Variants in PKHD1L1 observed in about 807,000 individuals in gnomAD.
The protein encoded by PKHD1L1 is PKHD1 like 1.
A neutral mutation model predicts 462.9 loss-of-function variants in PKHD1L1; 434 were observed. The observed-to-expected ratio is 0.94, with a 90% CI of 0.87 to 1.02. The LOEUF is 1.02. Among genes scored for constraint, PKHD1L1 ranks in the 50% least tolerant of loss-of-function variants. PKHD1L1 has a pLI of 0.00. For missense variants in PKHD1L1, 5,202 were observed against 5,096.1 expected (o/e 1.02, Z -0.63); for synonymous variants, 1,781 against 1,750.0 (o/e 1.02, Z -0.44).
intron 14 of PKHD1L1, among the ~76,000 whole-genome samples, chr8:109,403,316 C>T (rs903511586): frequency 6.6e-6 from 1 of 152,132 alleles, no homozygotes; most frequent in African/African-American, 2.4e-5. Context: ...CATAGCTTCA[C>T]CTAGTGCATA....
At chr8:109,408,400 T>G (rs576324121) in intron 18 of PKHD1L1, among the ~76,000 whole-genome samples, 194 bp downstream of exon 18, 1 of 152,310 alleles carries the variant, frequency 6.6e-6, no homozygotes, top group African/African-American at 2.4e-5. Flanking sequence ...GTCAACCTAG[T>G]GCAGCCACCT....
At position 109,461,851 on chromosome 8, in the gene PKHD1L1, G is replaced by A. The variant is rs1314290060; in HGVS notation, c.7326G>A (p.Met2442Ile). 2 of 1,606,402 alleles carry A rather than the reference G, an allele frequency of 1.2e-6. No homozygotes were observed. The highest frequency in any genetic ancestry group is 1.7e-6 in the Non-Finnish European group (2 of 1,176,184). Reference protein sequence around the residue: ...IGSDQFGGCVMFHAPVPGANM... With the variant: ...IGSDQFGGCVIFHAPVPGANM... ...GTGACCAATTTGGAGGCTGCGTTAT[G>A]TTTCATGCTCCTGTACCTGGTGCTA... Residue 2442 changes from methionine (M) to isoleucine (I), a missense_variant, in exon 48 of 78, where the codon ATG (methionine) becomes ATA (isoleucine). Coordinates refer to ENST00000378402, the MANE Select transcript of PKHD1L1 (RefSeq NM_177531.6).
In PKHD1L1 at chr8:109,452,220, T is replaced by C; in HGVS notation, c.6447T>C (p.His2149=). The C allele has an allele frequency of 1.2e-6, 2 of 1,612,748 alleles. No homozygotes were observed. The highest frequency in any genetic ancestry group is 1.7e-6 in the Non-Finnish European group (2 of 1,179,274). The change falls in exon 42 of 78, where the codon CAT becomes CAC. Residue 2149 remains histidine (H), a synonymous_variant. Transcript: ENST00000378402. The stretch of plus-strand genomic sequence containing the variant: ...ACATCATCTGCATGACAGATGCCCA[T>C]ACTCTATCAGGGTGGGCTCCAGTTT... ...KTHIICMTDA[H]TLSGWAPVCV...
intron 36 of PKHD1L1, 129 bp from the exon 37 acceptor site, chr8:109,443,547 T>C (rs1815934088): frequency 2.7e-6 from 2 of 743,990 alleles, no homozygotes; most frequent in South Asian, 3.8e-5. Context: ...CCATTTGTCA[T>C]TTTGTTTTTC....
At position 109,518,178 on chromosome 8, in the gene PKHD1L1, C is replaced by T. The variant is rs760724263; in HGVS notation, c.11701C>T (p.Pro3901Ser). Reference sequence around the variant, plus strand: ...TTTTTCCTTCATAGACCAATTCCTTCCTAACCTGGATTCCACTGTCCTTGG... The same window carrying T: ...TTTTTCCTTCATAGACCAATTCCTTTCTAACCTGGATTCCACTGTCCTTGG... ...NNHLYKDQFL[P>S]NLDSTVLGEN... is the part of the protein sequence containing the mutation. Residue 3901 changes from proline (P) to serine (S), a missense_variant, in exon 73 of 78, where the codon CCT becomes TCT. By Grantham distance (74) the Pro-to-Ser change is moderately conservative. This residue lies in a region of PKHD1L1 where 698 missense variants were observed against 736.3 expected (regional missense o/e 0.95). Transcript: ENST00000378402. 1 of 1,584,176 alleles carries T rather than the reference C, an allele frequency of 6.3e-7. No homozygotes were observed. The highest frequency in any genetic ancestry group is 1.7e-5 in the Admixed American group (1 of 58,864).
At chr8:109,461,696 C>A in intron 47 of PKHD1L1, 76 bp from the exon 48 acceptor site, 1 of 1,447,336 alleles carries the variant, frequency 6.9e-7, no homozygotes, top group Non-Finnish European at 9.4e-7. Flanking sequence ...AAATGATACA[C>A]TTAGTTATGA....
intron 21 of PKHD1L1, 110 bp from the exon 22 acceptor site, chr8:109,418,987 C>T (rs1038110404): frequency 1.7e-5 from 16 of 950,194 alleles, no homozygotes; most frequent in African/African-American, 1.7e-4. Flanking sequence ...CCCTGATGGT[C>T]GTCTTGTGGG....
In PKHD1L1 at chr8:109,445,352, T is replaced by C; in HGVS notation, c.5483T>C (p.Val1828Ala). Residue 1828 changes from valine (V) to alanine (A), a missense_variant, in exon 38 of 78, where the codon GTC becomes GCC. Transcript: ENST00000378402. Reference protein sequence around the residue: ...SKGLALGNLTVSSPPVASLSP... With the variant: ...SKGLALGNLTASSPPVASLSP... Reference sequence around the variant, plus strand: ...GGCTTGGCTCTGGGAAACCTGACTGTCAGCAGCCCCCCAGTAGCATCTCTA... The same window carrying C: ...GGCTTGGCTCTGGGAAACCTGACTGCCAGCAGCCCCCCAGTAGCATCTCTA... 6.2e-7 allele frequency: 1 copy of C among 1,613,958 alleles called. No individual in the cohort carries two copies. Among genetic ancestry groups the C allele is most frequent in the African/African-American group, 1.3e-5 (1 of 75,038 alleles).
At chr8:109,441,694 G>C (rs1023867832) in intron 34 of PKHD1L1, among the ~76,000 whole-genome samples, 2 of 151,920 alleles carry the variant, frequency 1.3e-5, no homozygotes, top group Admixed American at 6.6e-5. Flanking sequence ...AATTAAAATT[G>C]ATCATAGCTT....
chr8:109,464,769 C>T lies in PKHD1L1; in HGVS notation c.7937C>T (p.Ala2646Val). 2.5e-6 allele frequency: 4 copies of T among 1,613,806 alleles called. No individual in the cohort carries two copies. Among genetic ancestry groups the T allele is most frequent in the Non-Finnish European group, 3.4e-6 (4 of 1,179,788 alleles). The change falls in exon 49 of 78, where the codon GCA becomes GTA. Residue 2646 changes from alanine (A) to valine (V), a missense_variant. By Grantham distance (64) the Ala-to-Val change is moderately conservative. Around this residue, in one of 3 missense-constraint regions of PKHD1L1, gnomAD observed 4,497 missense variants for 4,336.8 expected, o/e 1.04. Transcript: ENST00000378402. ...GSCTSTVPAP[A>V]IFNSLTTWNC... ...TGTACATCTACAGTGCCTGCACCTG[C>T]AATATTTAACTCACTTACTACTTGG...
At chr8:109,420,719 A>G (rs1814419227) in intron 23 of PKHD1L1, 29 bp downstream of exon 23, 2 of 1,451,036 alleles carry the variant, frequency 1.4e-6, no homozygotes, top group Non-Finnish European at 9.2e-7. Flanking sequence ...ATTAATTTTT[A>G]TGTAGTGAAT....
intron 1 of PKHD1L1, among the ~76,000 whole-genome samples, chr8:109,364,005 T>C (rs985883179): frequency 6.6e-6 from 1 of 152,218 alleles, no homozygotes; most frequent in Admixed American, 6.5e-5. Context: ...TATTAAGAAC[T>C]CACTATCATC....
At chr8:109,452,406 A>C in intron 42 of PKHD1L1, 126 bp downstream of exon 42, 1 of 901,066 alleles carries the variant, frequency 1.1e-6, no homozygotes, top group Non-Finnish European at 1.5e-6. Context: ...GACCATAATA[A>C]ATCTAAAGTA....
intron 68 of PKHD1L1, among the ~76,000 whole-genome samples, chr8:109,504,724 G>A (rs1276940690): frequency 6.6e-6 from 1 of 152,088 alleles, no homozygotes; most frequent in Non-Finnish European, 1.5e-5. Context: ...TTTTTTGTGT[G>A]TGAATCATCA....
intron 51 of PKHD1L1, among the ~76,000 whole-genome samples, chr8:109,475,527 A>T (rs1335495623): frequency 6.6e-6 from 1 of 152,134 alleles, no homozygotes; most frequent in African/African-American, 2.4e-5. Flanking sequence ...TATTACCATG[A>T]TAATAACTTA....
chr8:109,415,834 T>C (rs1321024747), intron 21 of PKHD1L1, among the ~76,000 whole-genome samples: 63 of 133,294 alleles, frequency 4.7e-4, no homozygotes, highest in African/African-American at 1.6e-3. Context: ...GGTGACAGAA[T>C]GAGACCTTGT....
intron 4 of PKHD1L1, among the ~76,000 whole-genome samples, chr8:109,383,524 AGTTTT>A (rs1364944740): frequency 7.0e-6 from 1 of 142,538 alleles, no homozygotes; most frequent in Admixed American, 7.7e-5. Flanking sequence ...TATATATATT[AGTTTT>A]AAGTTGTCAA....
rs570104708 is a variant in PKHD1L1 at position 109,441,578 on chromosome 8, T to A, written c.4204+199T>A. Among the ~76,000 whole-genome samples, 4 of 152,302 alleles carry A rather than the reference T, an allele frequency of 2.6e-5. No homozygotes were observed. The South Asian group carries it at 8.3e-4, about 32-fold the overall frequency. On this transcript the variant is annotated intron_variant, in intron 34 of 77. Transcript: ENST00000378402. ...TAGACTTGAGTCTAGAAGGCCATACTTTGCAATTTCCAACTTCAGGAATTA... is the reference window on the plus strand; with the variant it reads ...TAGACTTGAGTCTAGAAGGCCATACATTGCAATTTCCAACTTCAGGAATTA...
rs868683464 is a variant in PKHD1L1, at chr8:109,491,802, C to G, written c.10115-71C>G. On this transcript the variant is annotated intron_variant, in intron 61 of 77. Coordinates refer to ENST00000378402, the MANE Select transcript of PKHD1L1 (RefSeq NM_177531.6). ...TTTATGGAAAAATCAAAAGACATTA[C>G]TCCTAATAGTCGTTGCAAATTGACT... is the stretch of plus-strand genomic sequence containing the variant. 8.1e-6 allele frequency: 11 copies of G among 1,354,056 alleles called. 1 individual carries two copies. In the Middle Eastern group the frequency reaches 1.9e-3, roughly 229 times the overall value. The allele number at this position is 1,354,056 out of a possible 1,614,324, so 83.9% of individuals were successfully genotyped here.
Sources: gnomAD v4.1 joint callset for allele counts (sites outside exome capture counted in the v4.1 genomes callset) on GRCh38, gnomAD v4.1.1 for gene constraint, gnomAD v4.1.1 regional missense constraint, MANE v1.5 for transcripts, NCBI Gene and HGNC (gene_info 2026-07-23, HGNC 2026-07-21) for gene names.